Variants in SDCCAG8 observed in about 807,000 individuals in gnomAD.
The protein encoded by SDCCAG8 is serologically defined colon cancer antigen 8.
A neutral mutation model predicts 101.8 loss-of-function variants in SDCCAG8; 74 were observed. The ratio of observed to expected loss-of-function variants is 0.73; its 90% CI spans 0.60 to 0.88. SDCCAG8 has a LOEUF of 0.88. Among genes scored for constraint, SDCCAG8 ranks in the 40% least tolerant of loss-of-function variants. The pLI, the probability that SDCCAG8 is intolerant of heterozygous loss-of-function variation, is 0.00. For synonymous variants in SDCCAG8, 281 were observed against 292.9 expected (o/e 0.96, Z 0.41); for missense variants, 787 against 822.6 (o/e 0.96, Z 0.53).
chr1:243,335,439 T>C (rs1313323109), intron 10 of SDCCAG8, among the ~76,000 whole-genome samples: 1 of 152,200 alleles, frequency 6.6e-6, no homozygotes, highest in Non-Finnish European at 1.5e-5. Context: ...ACCATTTGCC[T>C]TGCTGAGTAG....
chr1:243,463,625 A>T lies in SDCCAG8; in HGVS notation c.1986-25389A>T, dbSNP rs188146677. ...AATATGGGTCTAAAACCAGACTTTT[A>T]TCTTGGGAGGGAAAAAATAATATAT... On this transcript the variant is annotated intron_variant, in intron 16 of 17. Transcript: ENST00000366541. 7.8e-4 allele frequency among the ~76,000 whole-genome samples: 119 copies of T among 152,312 alleles called. 1 individual carries two copies. The highest frequency in any genetic ancestry group is 2.9e-3 in the East Asian group (15 of 5,180).
In SDCCAG8 at chr1:243,316,856, T is replaced by G; in HGVS notation, c.1031T>G (p.Leu344Trp). 6.2e-7 allele frequency: 1 copy of G among 1,614,206 alleles called. No individual in the cohort carries two copies. The highest frequency in any genetic ancestry group is 8.5e-7 in the Non-Finnish European group (1 of 1,180,034). ...GCTTATGAACAGGTGAAACAAGTTT[T>G]GCAAATATCTGAGGAAGCCAATTTT... ...ASAYEQVKQV[L>W]QISEEANFEK... Residue 344 changes from leucine to tryptophan, a missense_variant, in exon 9 of 18, where the codon TTG (leucine) becomes TGG (tryptophan). Physicochemically the swap from Leu to Trp is moderately conservative, Grantham distance 61. Coordinates refer to ENST00000366541, the MANE Select transcript of SDCCAG8 (RefSeq NM_006642.5).
At chr1:243,403,405 A>T (rs2079535514) in intron 13 of SDCCAG8, among the ~76,000 whole-genome samples, 1 of 152,202 alleles carries the variant, frequency 6.6e-6, no homozygotes, top group Non-Finnish European at 1.5e-5. Context: ...TCTAGGAAAT[A>T]ATAAGGATAA....
chr1:243,264,374 G>A (rs2067421620), intron 1 of SDCCAG8, among the ~76,000 whole-genome samples: 1 of 152,188 alleles, frequency 6.6e-6, no homozygotes, highest in Non-Finnish European at 1.5e-5. Flanking sequence ...CAGCACTTTG[G>A]GAGGCTGAGG....
At chr1:243,346,492 G>A (rs1295863000) in intron 12 of SDCCAG8, among the ~76,000 whole-genome samples, 1 of 152,090 alleles carries the variant, frequency 6.6e-6, no homozygotes, top group Admixed American at 6.6e-5. Context: ...TTTTAAAGTG[G>A]GTGGGAAACT....
chr1:243,436,785 G>A, intron 16 of SDCCAG8, among the ~76,000 whole-genome samples: 1 of 152,214 alleles, frequency 6.6e-6, no homozygotes, highest in Middle Eastern at 3.4e-3. Context: ...ACAATTAACT[G>A]TGGATAATAC....
chr1:243,421,198 C>T (rs889114844), intron 15 of SDCCAG8, among the ~76,000 whole-genome samples: 1 of 152,090 alleles, frequency 6.6e-6, no homozygotes, highest in Non-Finnish European at 1.5e-5. Flanking sequence ...CATATTTTTC[C>T]TTCCTCTGTT....
intron 6 of SDCCAG8, among the ~76,000 whole-genome samples, chr1:243,304,122 C>T (rs2071839248): frequency 6.6e-6 from 1 of 152,030 alleles, no homozygotes; most frequent in African/African-American, 2.4e-5. Context: ...GGGTCAATGA[C>T]CCTAACCTCC....
At chr1:243,434,169 C>G (rs2081984936) in intron 16 of SDCCAG8, among the ~76,000 whole-genome samples, 1 of 152,196 alleles carries the variant, frequency 6.6e-6, no homozygotes, top group South Asian at 2.1e-4. Context: ...TGCATACTTG[C>G]ATCAGTGGTA....
At chr1:243,362,852 G>A (rs1228489526) in intron 12 of SDCCAG8, among the ~76,000 whole-genome samples, 1 of 152,176 alleles carries the variant, frequency 6.6e-6, no homozygotes, top group Non-Finnish European at 1.5e-5. Context: ...ATGTCTCATT[G>A]TAAATTCTTA....
intron 10 of SDCCAG8, among the ~76,000 whole-genome samples, chr1:243,331,580 G>A (rs1374911636): frequency 1.3e-5 from 2 of 152,152 alleles, no homozygotes; most frequent in South Asian, 2.1e-4. Context: ...GGCATTTCCT[G>A]TAAATGTCCT....
intron 16 of SDCCAG8, among the ~76,000 whole-genome samples, chr1:243,488,041 C>G (rs998558007): frequency 6.6e-6 from 1 of 152,228 alleles, no homozygotes; most frequent in African/African-American, 2.4e-5. Flanking sequence ...TACCGACCAT[C>G]GCCGGGTTTC....
At chr1:243,455,410 C>G (rs563654568) in intron 16 of SDCCAG8, among the ~76,000 whole-genome samples, 71 of 152,304 alleles carry the variant, frequency 4.7e-4, no homozygotes, top group African/African-American at 1.7e-3. Flanking sequence ...GCTGGGATTA[C>G]AGGTGTCGGC....
At chr1:243,266,776 C>CAAAAAAAAAAAAAA (rs566670758) in intron 1 of SDCCAG8, among the ~76,000 whole-genome samples, 5 of 110,974 alleles carry the variant, frequency 4.5e-5, no homozygotes, top group Non-Finnish European at 8.8e-5. Flanking sequence ...ATTATAAATA[C>CAAAAAAAAAAAAAA]AAAAAAAAAA....
At chr1:243,312,974 A>G (rs1194847096) in intron 8 of SDCCAG8, among the ~76,000 whole-genome samples, 2 of 152,208 alleles carry the variant, frequency 1.3e-5, no homozygotes, top group East Asian at 1.9e-4. Flanking sequence ...TTCTTGCTTA[A>G]TGATCAAAGT....
chr1:243,263,920 G>A (rs184255824), intron 1 of SDCCAG8, among the ~76,000 whole-genome samples: 26 of 152,284 alleles, frequency 1.7e-4, no homozygotes, highest in African/African-American at 6.3e-4. Context: ...GCAATCTTCT[G>A]AACCAGGCTG....
At chr1:243,396,170 T>C (rs552893628) in intron 13 of SDCCAG8, among the ~76,000 whole-genome samples, 2 of 152,270 alleles carry the variant, frequency 1.3e-5, no homozygotes, top group African/African-American at 2.4e-5. Flanking sequence ...TAATTCAACA[T>C]AGAGTGATTT....
In SDCCAG8 at chr1:243,418,060, A is replaced by ATCTC; in HGVS notation, c.1840_1843dup (p.Gln615LeufsTer7). The ATCTC allele has an allele frequency of 6.2e-7, 1 of 1,611,314 alleles. No homozygotes were observed. Among genetic ancestry groups the ATCTC allele is most frequent in the Non-Finnish European group, 8.5e-7 (1 of 1,177,790 alleles). On this transcript the variant is annotated frameshift_variant, in exon 15 of 18. Transcript: ENST00000366541. LOFTEE classifies it high-confidence loss of function. ...TACATTAGCCAAGAAACTGGAACAA[A>ATCTC]TCTCTCAAAAAACCAGGTAGGTGAT...
intron 13 of SDCCAG8, among the ~76,000 whole-genome samples, chr1:243,386,787 GAGAA>G (rs539689962): frequency 2.0e-5 from 3 of 151,972 alleles, no homozygotes; most frequent in Non-Finnish European, 4.4e-5. Flanking sequence ...GAGAGAGAGA[GAGAA>G]AGAAAGAAAG....
Sources: gnomAD v4.1 joint callset for allele counts (sites outside exome capture counted in the v4.1 genomes callset) on GRCh38, gnomAD v4.1.1 for gene constraint, MANE v1.5 for transcripts, NCBI Gene and HGNC (gene_info 2026-07-23, HGNC 2026-07-21) for gene names.